Variants in PCDHGB3 observed in about 807,000 individuals in gnomAD.
The protein encoded by PCDHGB3 is protocadherin gamma subfamily B, 3.
A neutral mutation model predicts 59.2 loss-of-function variants in PCDHGB3; 40 were observed. The observed-to-expected ratio is 0.68, with a 90% CI of 0.52 to 0.88. The LOEUF (loss-of-function observed/expected upper bound fraction) is 0.88. Ranked by LOEUF, PCDHGB3 falls within the 40% of genes least tolerant of loss-of-function variation. The pLI, the probability that PCDHGB3 is intolerant of heterozygous loss-of-function variation, is 0.00. For missense variants in PCDHGB3, 1,309 were observed against 1,187.9 expected, an observed-to-expected ratio of 1.10 and a Z score of -1.50; for synonymous variants, 581 against 503.6, an observed-to-expected ratio of 1.15 and a Z score of -2.06.
Position 141,489,805 on chromosome 5 carries a change from A to T in PCDHGB3, c.2416-5002A>T. On this transcript the variant is annotated intron_variant, in intron 1 of 3. Transcript: ENST00000576222. The surrounding 1 kb of genome is among the most constrained non-coding windows in gnomAD (Gnocchi z 4.5). ...GAATGTGAAGACCCTAAAAGATGGG[A>T]AGCCATTCCCAGAGCTGGTGCTAGA... 1 of 1,614,166 alleles carries T rather than the reference A, an allele frequency of 6.2e-7. No individual in the cohort carries two copies. Among genetic ancestry groups the T allele is most frequent in the Non-Finnish European group, 8.5e-7 (1 of 1,180,012 alleles).
At position 141,432,816 on chromosome 5, in the gene PCDHGB3, C is replaced by A. The variant is rs778545682; in HGVS notation, c.2415+60007C>A. Reference sequence around the variant, plus strand: ...CTCGAGTCTCCAGCTAACTCTGAAACCTCAGACCTCACTCTGTACCTGGTG... The same window carrying A: ...CTCGAGTCTCCAGCTAACTCTGAAAACTCAGACCTCACTCTGTACCTGGTG... On this transcript the variant is annotated intron_variant, in intron 1 of 3. Transcript: ENST00000576222. The surrounding 1 kb of genome is among the most constrained non-coding windows in gnomAD (Gnocchi z 6.0). The A allele has an allele frequency of 7.6e-5, 122 of 1,614,044 alleles. No individual in the cohort carries two copies. The highest frequency in any genetic ancestry group is 3.3e-5 in the Admixed American group (2 of 60,012).
chr5:141,494,656 C>CT, intron 1 of PCDHGB3, 151 bp from the exon 2 acceptor site: 1 of 1,478,476 alleles, frequency 6.8e-7, no homozygotes, highest in Non-Finnish European at 9.1e-7. Flanking sequence ...TGTATTTTGT[C>CT]TTTGGAGATG....
intron 1 of PCDHGB3, chr5:141,390,071 CTG>C: frequency 1.2e-6 from 2 of 1,614,084 alleles, no homozygotes; most frequent in Middle Eastern, 1.6e-4. Context: ...AGCCTGGTCT[CTG>C]TGTTAAATCC....
chr5:141,451,358 T>C (rs537863729), intron 1 of PCDHGB3, among the ~76,000 whole-genome samples: 1 of 152,326 alleles, frequency 6.6e-6, no homozygotes, highest in African/African-American at 2.4e-5. Flanking sequence ...CAACAGAGGA[T>C]GGATCCGCTT....
intron 1 of PCDHGB3, chr5:141,413,304 A>G: frequency 6.2e-7 from 1 of 1,613,982 alleles, no homozygotes; most frequent in Non-Finnish European, 8.5e-7. Context: ...CTGAGGAATT[A>G]GAGAAAGGCT....
chr5:141,502,179 A>G (rs1403845758), intron 2 of PCDHGB3, among the ~76,000 whole-genome samples: 2 of 152,218 alleles, frequency 1.3e-5, no homozygotes, highest in Non-Finnish European at 2.9e-5. Context: ...GGAATTTAAC[A>G]TTAATACAAT....
chr5:141,469,552 C>G (rs956606902), intron 1 of PCDHGB3, among the ~76,000 whole-genome samples: 1 of 151,910 alleles, frequency 6.6e-6, no homozygotes, highest in African/African-American at 2.4e-5. Context: ...TCCAGCCTGG[C>G]GACAGAGTGA....
chr5:141,374,061 G>T, intron 1 of PCDHGB3: 1 of 1,493,670 alleles, frequency 6.7e-7, no homozygotes, highest in Non-Finnish European at 8.9e-7. Flanking sequence ...CTTAATCCCA[G>T]AGAAGTTCCT....
chr5:141,509,809 A>G (rs13163163), intron 3 of PCDHGB3, among the ~76,000 whole-genome samples: 35,240 of 151,962 alleles, frequency 0.23, 4,247 homozygotes, highest in Admixed American at 0.33. Context: ...CATAGAGCCG[A>G]GCTCTTCTCC....
intron 1 of PCDHGB3, among the ~76,000 whole-genome samples, chr5:141,467,055 C>CTTT (rs1193465269): frequency 2.2e-5 from 3 of 134,494 alleles, no homozygotes; most frequent in Admixed American, 7.5e-5. Context: ...TCAATGTTTT[C>CTTT]TTTTTTTTTT....
chr5:141,402,880 A>G (rs886365174), intron 1 of PCDHGB3: 2 of 1,474,944 alleles, frequency 1.4e-6, no homozygotes, highest in Non-Finnish European at 1.8e-6. Flanking sequence ...CATACTTTGC[A>G]GGGTGGAAGA....
intron 1 of PCDHGB3, chr5:141,475,845 G>C: frequency 4.5e-6 from 2 of 448,002 alleles, no homozygotes; most frequent in Non-Finnish European, 7.9e-6. Context: ...TGCTCAGAGA[G>C]CCCGGCGCTA....
chr5:141,399,430 A>G (rs758530359), intron 1 of PCDHGB3: 12 of 1,614,016 alleles, frequency 7.4e-6, no homozygotes, highest in Non-Finnish European at 1.0e-5. Context: ...CATAAGCGTC[A>G]TCCTACATAT....
Position 141,376,503 on chromosome 5 carries a change from T to C in PCDHGB3, c.2415+3694T>C, listed in dbSNP as rs192154001. 1.1e-5 allele frequency: 17 copies of C among 1,614,052 alleles called. No homozygotes were observed. In the African/African-American group the frequency reaches 2.1e-4, roughly 20 times the overall value. ...GAAACGAAAGGAGAACCCAGGCAAC[T>C]TCAGGTGAGTTTCTTTCCGCCTAAG... is the stretch of plus-strand genomic sequence containing the variant. On this transcript the variant is annotated intron_variant, in intron 1 of 3. Transcript: ENST00000576222.
Position 141,371,752 on chromosome 5 carries a change from A to G in PCDHGB3, c.1358A>G (p.His453Arg). 1 of 1,614,006 alleles carries G rather than the reference A, an allele frequency of 6.2e-7. No individual in the cohort carries two copies. The highest frequency in any genetic ancestry group is 8.5e-7 in the Non-Finnish European group (1 of 1,179,896). The change falls in exon 1 of 4, where the codon CAC (histidine) becomes CGC (arginine). Residue 453 changes from histidine (H) to arginine (R), a missense_variant. By Grantham distance (29) the His-to-Arg change is conservative. Transcript: ENST00000576222. ...LDVNDNVPVF[H>R]QASYTVHVAE... Reference sequence around the variant, plus strand: ...GTCAACGACAACGTTCCCGTTTTCCACCAGGCCTCCTACACCGTGCATGTA... The same window carrying G: ...GTCAACGACAACGTTCCCGTTTTCCGCCAGGCCTCCTACACCGTGCATGTA...
chr5:141,400,233 C>G (rs373858401), intron 1 of PCDHGB3: 21 of 1,613,872 alleles, frequency 1.3e-5, no homozygotes, highest in Non-Finnish European at 1.8e-5. Context: ...TCCTCCTGGC[C>G]GTGATTCTGG....
At chr5:141,428,124 C>G in intron 1 of PCDHGB3, 2 of 1,605,400 alleles carry the variant, frequency 1.2e-6, no homozygotes, top group Non-Finnish European at 1.7e-6. Flanking sequence ...CGAGCCCGGG[C>G]TTTTCAGCCT....
chr5:141,428,338 T>G, intron 1 of PCDHGB3: 7 of 592,492 alleles, frequency 1.2e-5, no homozygotes, highest in East Asian at 3.1e-5. Flanking sequence ...TATGCTCTTC[T>G]TCCTCGCAGT....
intron 1 of PCDHGB3, chr5:141,492,046 AC>A (rs955983612): frequency 2.0e-6 from 1 of 494,316 alleles, no homozygotes; most frequent in African/African-American, 2.0e-5. Context: ...TCACAGATCC[AC>A]CCCTGCAGCC....
Sources: gnomAD v4.1 joint callset for allele counts (sites outside exome capture counted in the v4.1 genomes callset) on GRCh38, gnomAD v4.1.1 for gene constraint, Gnocchi (gnomAD v3.1) non-coding constraint, MANE v1.5 for transcripts, NCBI Gene and HGNC (gene_info 2026-07-23, HGNC 2026-07-21) for gene names.